Variants in ANKS1B observed in about 807,000 individuals in gnomAD.
ANKS1B encodes the protein ankyrin repeat and sterile alpha motif domain containing 1B.
Under a neutral mutation model 148.3 loss-of-function variants are expected in ANKS1B, and 36 were observed. The observed-to-expected ratio is 0.24, with a 90% CI of 0.19 to 0.32. The LOEUF is 0.32. ANKS1B is among the 10% of genes least tolerant of loss of function. The pLI, the probability that ANKS1B is intolerant of heterozygous loss-of-function variation, is 1.00. For synonymous variants in ANKS1B, 542 were observed against 560.8 expected, an observed-to-expected ratio of 0.97 and a Z score of 0.47; for missense variants, 1,157 against 1,542.6, an observed-to-expected ratio of 0.75 and a Z score of 4.19.
At chr12:99,914,725 G>A (rs187832583) in intron 1 of ANKS1B, among the ~76,000 whole-genome samples, 1 of 152,004 alleles carries the variant, frequency 6.6e-6, no homozygotes, top group Non-Finnish European at 1.5e-5. Flanking sequence ...TGATATTTAG[G>A]GGGGTGTACA....
intron 10 of ANKS1B, among the ~76,000 whole-genome samples, chr12:99,476,858 A>G (rs1053087114): frequency 6.6e-6 from 1 of 152,074 alleles, no homozygotes; most frequent in Non-Finnish European, 1.5e-5. Context: ...AATTGGGCCT[A>G]TGGTCTCATC....
At chr12:99,877,926 G>C (rs561750698) in intron 1 of ANKS1B, among the ~76,000 whole-genome samples, 1 of 152,246 alleles carries the variant, frequency 6.6e-6, no homozygotes, top group South Asian at 2.1e-4. Flanking sequence ...AGACATTGGT[G>C]GCTTGCTCCT....
intron 17 of ANKS1B, among the ~76,000 whole-genome samples, chr12:98,928,735 A>G (rs1466351056): frequency 1.3e-5 from 2 of 152,010 alleles, no homozygotes; most frequent in East Asian, 1.9e-4. Context: ...ACACAGCCCA[A>G]TACTCTTTTA....
intron 17 of ANKS1B, among the ~76,000 whole-genome samples, chr12:98,943,606 C>T (rs569652304): frequency 1.3e-5 from 2 of 152,172 alleles, no homozygotes; most frequent in Non-Finnish European, 2.9e-5. Flanking sequence ...GAGTTCTTCC[C>T]ATGCTACCAT....
At chr12:99,803,314 A>C (rs1420764695) in intron 4 of ANKS1B, among the ~76,000 whole-genome samples, 1 of 146,484 alleles carries the variant, frequency 6.8e-6, no homozygotes, top group Non-Finnish European at 1.5e-5. Flanking sequence ...CCAAAAAAAA[A>C]ACCAACATAT....
intron 12 of ANKS1B, among the ~76,000 whole-genome samples, chr12:99,381,862 T>C (rs932511031): frequency 4.6e-5 from 7 of 152,242 alleles, no homozygotes; most frequent in Non-Finnish European, 1.0e-4. Flanking sequence ...TGAGACACTT[T>C]GATGTTTAGA....
chr12:98,838,906 G>A (rs2099390300), intron 17 of ANKS1B, among the ~76,000 whole-genome samples: 1 of 152,216 alleles, frequency 6.6e-6, no homozygotes, highest in Non-Finnish European at 1.5e-5. Context: ...CCCCCTGCCT[G>A]ATAACAATTT....
intron 12 of ANKS1B, among the ~76,000 whole-genome samples, chr12:99,377,794 A>T (rs1593434144): frequency 6.6e-6 from 1 of 152,312 alleles, no homozygotes; most frequent in East Asian, 1.9e-4. Flanking sequence ...TGGCTACAAC[A>T]ATATCTCCCA....
At chr12:99,067,898 A>ATG (rs948379143) in intron 16 of ANKS1B, among the ~76,000 whole-genome samples, 12 of 114,722 alleles carry the variant, frequency 1.0e-4, no homozygotes, top group Admixed American at 2.9e-4. Context: ...GTGTGTGTGT[A>ATG]TGTGTGTGTA....
chr12:99,479,779 A>C (rs2096381158), intron 10 of ANKS1B, among the ~76,000 whole-genome samples: 3 of 151,934 alleles, frequency 2.0e-5, no homozygotes, highest in African/African-American at 7.2e-5. Context: ...TGTTAGTCTA[A>C]GTTGCAGTTA....
chr12:99,371,012 T>C (rs1202239129), intron 12 of ANKS1B, among the ~76,000 whole-genome samples: 1 of 152,092 alleles, frequency 6.6e-6, no homozygotes, highest in African/African-American at 2.4e-5. Context: ...TGTTTGTTTT[T>C]GTTTCTGTTT....
At chr12:99,766,343 T>C (rs1287801310) in intron 8 of ANKS1B, among the ~76,000 whole-genome samples, 1 of 152,074 alleles carries the variant, frequency 6.6e-6, no homozygotes, top group Non-Finnish European at 1.5e-5. Context: ...GTATCAAGAA[T>C]GGTAAAAAGC....
At chr12:99,714,490 T>C (rs1429896989) in intron 8 of ANKS1B, among the ~76,000 whole-genome samples, 1 of 152,328 alleles carries the variant, frequency 6.6e-6, no homozygotes, top group East Asian at 1.9e-4. Flanking sequence ...TGTGCTCACC[T>C]CATGGCTTGG....
At chr12:99,368,813 A>G (rs1285800896) in intron 12 of ANKS1B, among the ~76,000 whole-genome samples, 1 of 152,168 alleles carries the variant, frequency 6.6e-6, no homozygotes, top group Non-Finnish European at 1.5e-5. Context: ...TTTGACAATT[A>G]AAAAAATAAT....
chr12:99,205,957 G>T (rs988099399), intron 14 of ANKS1B, among the ~76,000 whole-genome samples: 1 of 152,110 alleles, frequency 6.6e-6, no homozygotes, highest in African/African-American at 2.4e-5. Context: ...AAAATTATTG[G>T]CTAAGTTGGT....
chr12:99,630,339 C>T (rs1173444717), intron 9 of ANKS1B, among the ~76,000 whole-genome samples: 1 of 152,044 alleles, frequency 6.6e-6, no homozygotes, highest in African/African-American at 2.4e-5. Context: ...ATCAGTTATC[C>T]CCGTTTCCAT....
At chr12:99,073,893 A>T (rs1296191870) in intron 16 of ANKS1B, among the ~76,000 whole-genome samples, 38 of 152,188 alleles carry the variant, frequency 2.5e-4, no homozygotes, top group Admixed American at 2.5e-3. Context: ...GATATCTGGG[A>T]TTTAGTTCCA....
chr12:99,799,608 T>C (rs528647621), intron 4 of ANKS1B, among the ~76,000 whole-genome samples: 4 of 152,048 alleles, frequency 2.6e-5, no homozygotes, highest in African/African-American at 7.2e-5. Context: ...GGTATCCTCA[T>C]AGGGAAGCCA....
chr12:98,873,632 A>T (rs559741275), intron 17 of ANKS1B, among the ~76,000 whole-genome samples: 1 of 152,266 alleles, frequency 6.6e-6, no homozygotes, highest in African/African-American at 2.4e-5. Context: ...ACAAATCCTC[A>T]CCTGAGAGGA....
Sources: allele counts gnomAD v4.1 joint callset (sites outside exome capture counted in the v4.1 genomes callset), GRCh38; gene constraint gnomAD v4.1.1; transcripts MANE v1.5; gene names NCBI Gene and HGNC (gene_info 2026-07-23, HGNC 2026-07-21).